The following KCNMB2 variants were observed in gnomAD, a reference collection of about 807,000 sequenced individuals.
The protein encoded by KCNMB2 is calcium-activated potassium channel subunit beta-2.
A neutral mutation model predicts 24.5 loss-of-function variants in KCNMB2; 9 were observed. The observed-to-expected ratio is 0.37, with a 90% CI of 0.22 to 0.64. KCNMB2 has a LOEUF of 0.64. Among genes scored for constraint, KCNMB2 ranks in the 30% least tolerant of loss-of-function variants. The pLI, the probability that KCNMB2 is intolerant of heterozygous loss-of-function variation, is 0.63. For synonymous variants in KCNMB2, 109 were observed against 104.4 expected (o/e 1.04, Z -0.27); for missense variants, 226 against 284.3 (o/e 0.79, Z 1.47).
At chr3:178,567,937 T>G (rs1197871432) in intron 1 of KCNMB2, among the ~76,000 whole-genome samples, 1 of 152,140 alleles carries the variant, frequency 6.6e-6, no homozygotes, top group East Asian at 1.9e-4. Flanking sequence ...TAGGTCTAAA[T>G]GAAATGTTGA....
intron 1 of KCNMB2, among the ~76,000 whole-genome samples, chr3:178,784,149 A>G (rs1712997467): frequency 6.6e-6 from 1 of 152,214 alleles, no homozygotes. Flanking sequence ...ATGTTGGACA[A>G]AATAACCAAA....
In KCNMB2 at chr3:178,828,377, G is replaced by A. The variant is rs755082250; in HGVS notation, c.423+4G>A. 1 of 1,608,900 alleles carries A rather than the reference G, an allele frequency of 6.2e-7. No individual in the cohort carries two copies. Among genetic ancestry groups the A allele is most frequent in the South Asian group, 1.1e-5 (1 of 90,640 alleles). On this transcript the variant is annotated splice_donor_region_variant and intron_variant, in intron 4 of 4. Coordinates refer to ENST00000452583, the MANE Select transcript of KCNMB2 (RefSeq NM_181361.3). ...GACAATAAAAATCAATCAGAAGGTA[G>A]GAACTTGGCGTACTGCATTTCAGTT...
intron 1 of KCNMB2, among the ~76,000 whole-genome samples, chr3:178,625,314 A>T (rs1719074168): frequency 6.6e-6 from 1 of 152,044 alleles, no homozygotes; most frequent in South Asian, 2.1e-4. Flanking sequence ...CGGGGAGAAG[A>T]CCCCAGGCCC....
intron 1 of KCNMB2, among the ~76,000 whole-genome samples, chr3:178,628,453 T>C (rs1719196282): frequency 6.6e-6 from 1 of 152,176 alleles, no homozygotes; most frequent in Non-Finnish European, 1.5e-5. Context: ...ATAAATGTAA[T>C]CAAAATGCTG....
At chr3:178,765,325 C>T (rs553712467) in intron 1 of KCNMB2, among the ~76,000 whole-genome samples, 12 of 152,166 alleles carry the variant, frequency 7.9e-5, no homozygotes, top group South Asian at 2.1e-4. Flanking sequence ...AGTATAGACC[C>T]GACTTTAAGA....
At chr3:178,639,927 G>A (rs551184807) in intron 1 of KCNMB2, among the ~76,000 whole-genome samples, 44 of 152,282 alleles carry the variant, frequency 2.9e-4, no homozygotes, top group African/African-American at 1.1e-3. Flanking sequence ...GATGGAATCA[G>A]TGTGAGCATG....
chr3:178,805,016 T>C (rs1379648479), intron 1 of KCNMB2, among the ~76,000 whole-genome samples: 1 of 152,266 alleles, frequency 6.6e-6, no homozygotes, highest in African/African-American at 2.4e-5. Context: ...AACAAATAAC[T>C]TTAAACAACC....
chr3:178,582,964 G>T (rs1454340569), intron 1 of KCNMB2, among the ~76,000 whole-genome samples: 2 of 152,132 alleles, frequency 1.3e-5, no homozygotes, highest in African/African-American at 4.8e-5. Context: ...AAGAAGGAAA[G>T]ACAATATTAT....
At chr3:178,767,442 G>A (rs1351408725) in intron 1 of KCNMB2, among the ~76,000 whole-genome samples, 1 of 152,196 alleles carries the variant, frequency 6.6e-6, no homozygotes, top group Admixed American at 6.5e-5. Context: ...AATGGACCTA[G>A]GGAGGATAAC....
intron 1 of KCNMB2, among the ~76,000 whole-genome samples, chr3:178,667,132 T>A (rs1483754406): frequency 6.6e-6 from 1 of 152,112 alleles, no homozygotes; most frequent in Non-Finnish European, 1.5e-5. Flanking sequence ...GGGTCAAGTG[T>A]ACTTAGAGTC....
intron 1 of KCNMB2, among the ~76,000 whole-genome samples, chr3:178,740,501 C>T (rs983275326): frequency 3.3e-5 from 5 of 152,114 alleles, no homozygotes; most frequent in African/African-American, 7.2e-5. Context: ...ATCAGTGCAT[C>T]CACTATAAAT....
chr3:178,571,501 A>G (rs1219990415), intron 1 of KCNMB2, among the ~76,000 whole-genome samples: 1 of 98,320 alleles, frequency 1.0e-5, no homozygotes, highest in Admixed American at 1.1e-4. Flanking sequence ...TTTCTGTTTC[A>G]CTTATTTATG....
intron 1 of KCNMB2, among the ~76,000 whole-genome samples, chr3:178,750,848 A>T (rs112933535): frequency 0.012 from 1,831 of 152,276 alleles, 42 homozygotes; most frequent in African/African-American, 0.042. Flanking sequence ...CTTCCTCATC[A>T]ACTCCAGCAG....
chr3:178,540,741 C>T (rs781593205), intron 1 of KCNMB2, among the ~76,000 whole-genome samples: 3 of 152,184 alleles, frequency 2.0e-5, no homozygotes, highest in African/African-American at 7.2e-5. Flanking sequence ...CCTGAAAACA[C>T]CTTTCAAATC....
chr3:178,640,668 C>T (rs1056021643), intron 1 of KCNMB2, among the ~76,000 whole-genome samples: 3 of 152,028 alleles, frequency 2.0e-5, no homozygotes, highest in African/African-American at 4.8e-5. Context: ...AAATTAATTC[C>T]CAACTCATGA....
At chr3:178,640,164 C>T (rs903188863) in intron 1 of KCNMB2, among the ~76,000 whole-genome samples, 13 of 152,180 alleles carry the variant, frequency 8.5e-5, no homozygotes, top group Non-Finnish European at 1.5e-4. Flanking sequence ...GCACAAGACG[C>T]TACTATCTCT....
chr3:178,706,726 C>A (rs564346177), intron 1 of KCNMB2, among the ~76,000 whole-genome samples: 5 of 152,300 alleles, frequency 3.3e-5, no homozygotes, highest in Non-Finnish European at 7.4e-5. Context: ...GCTATCTGCA[C>A]CTTCCCAAAT....
chr3:178,825,557 T>C (rs1213179047), intron 2 of KCNMB2, 31 bp from the exon 3 acceptor site: 2 of 1,585,856 alleles, frequency 1.3e-6, no homozygotes, highest in Admixed American at 3.4e-5. Context: ...TAACTAAACT[T>C]AATGTAAGAC....
chr3:178,729,341 T>G (rs1426714838), intron 1 of KCNMB2: 6 of 152,172 alleles, frequency 3.9e-5, no homozygotes, highest in Non-Finnish European at 7.3e-5. Flanking sequence ...CTCACAGTAT[T>G]GATTAGGAAG....
Sources: allele counts gnomAD v4.1 joint callset (sites outside exome capture counted in the v4.1 genomes callset), GRCh38; gene constraint gnomAD v4.1.1; transcripts MANE v1.5; gene names NCBI Gene and HGNC (gene_info 2026-07-23, HGNC 2026-07-21).